MED16: variants seen among roughly 807,000 people sequenced by gnomAD.
The protein encoded by MED16 is mediator complex subunit 16, also known as mediator of RNA polymerase II transcription subunit 16.
In MED16, 81 loss-of-function variants were observed where a neutral mutation model predicts 84.4. The observed-to-expected ratio is 0.96, with a 90% confidence interval of 0.80 to 1.15. The LOEUF (loss-of-function observed/expected upper bound fraction) is 1.15, where lower values mean the gene tolerates loss of function less well. Ranked by LOEUF, MED16 falls within the 50% of genes most tolerant of loss-of-function variation. MED16 has a pLI of 0.00. For missense variants in MED16, 1,585 were observed against 1,245.9 expected, an observed-to-expected ratio of 1.27 and a Z score of -4.10; for synonymous variants, 897 against 552.2, an observed-to-expected ratio of 1.62 and a Z score of -8.76.
chr19:877,275 G>C lies in MED16; in HGVS notation c.1354-95C>G. The C allele has an allele frequency of 3.3e-6, 4 of 1,222,672 alleles. 1 individual carries two copies. Among genetic ancestry groups the C allele is most frequent in the Non-Finnish European group, 1.1e-6 (1 of 873,346 alleles). 75.7% of individuals were successfully genotyped at this position (1,222,672 alleles called of 1,614,324 possible). A position where few individuals can be genotyped will look rare whatever the true frequency, so the allele number is the denominator to read the frequency against. On this transcript the variant is annotated intron_variant, in intron 8 of 15. Coordinates refer to ENST00000325464, the MANE Select transcript of MED16 (RefSeq NM_005481.3). ...GCCCTGGGGCTGCGGCACGTGTGTGGATCTGTGTGCGCGCACGCCCGTGTG... is the reference window on the plus strand; with the variant it reads ...GCCCTGGGGCTGCGGCACGTGTGTGCATCTGTGTGCGCGCACGCCCGTGTG...
At chr19:886,431 G>A (rs1386490548) in intron 4 of MED16, among the ~76,000 whole-genome samples, 1 of 152,254 alleles carries the variant, frequency 6.6e-6, no homozygotes, top group Non-Finnish European at 1.5e-5. Context: ...GGACAGTGGG[G>A]AGGATTAAAC....
chr19:885,899 G>C lies in MED16; in HGVS notation c.750C>G (p.Ser250Arg), dbSNP rs749422186. ...QFYKVCVSVV[S>R]EKCRIDTEIL... ...TCTCCGTGTCGATACGGCACTTCTC[G>C]CTCACCACGCTCACGCACACCTTGT... The change falls in exon 5 of 16, where the codon AGC becomes AGG. Residue 250 changes from serine (S) to arginine (R), a missense_variant. By Grantham distance (110) the Ser-to-Arg change is moderately radical. Coordinates refer to ENST00000325464, the MANE Select transcript of MED16 (RefSeq NM_005481.3). 6.2e-7 allele frequency: 1 copy of C among 1,613,478 alleles called. No homozygotes were observed. Among genetic ancestry groups the C allele is most frequent in the Non-Finnish European group, 8.5e-7 (1 of 1,179,960 alleles).
Position 890,232 on chromosome 19 carries a change from A to G in MED16, c.182T>C (p.Met61Thr). The G allele has an allele frequency of 6.4e-7, 1 of 1,551,220 alleles. No individual in the cohort carries two copies. Among genetic ancestry groups the G allele is most frequent in the Non-Finnish European group, 8.7e-7 (1 of 1,147,212 alleles). ...GTGCTCCGTGTCCAGGATGTGGATC[A>G]TGCGGGTCAGGTCTGTGGGGACGGG... ...LRSDDQDLTR[M>T]IHILDTEHPW... Residue 61 changes from methionine to threonine, a missense_variant, in exon 3 of 16, where the codon ATG becomes ACG. Transcript: ENST00000325464.
chr19:882,097 C>T (rs1190497722), intron 6 of MED16, among the ~76,000 whole-genome samples: 2 of 152,246 alleles, frequency 1.3e-5, no homozygotes, highest in African/African-American at 4.8e-5. Context: ...TCTACAATTC[C>T]AATAAAGCCA....
Position 875,180 on chromosome 19 carries a change from TAAATAA to T in MED16, c.1771+58_1771+63del, listed in dbSNP as rs549777133. On this transcript the variant is annotated intron_variant, in intron 10 of 15. Transcript: ENST00000325464. ...CCCTATCTCAAAAGAGTAAAAAAAA[TAAATAA>T]AAATAAAATAAATAGATGAAAGAAA... The T allele has an allele frequency of 1.2e-4, 134 of 1,147,036 alleles. No homozygotes were observed. In the African/African-American group the frequency reaches 1.8e-3, roughly 15 times the overall value. 71.1% of individuals were successfully genotyped at this position (1,147,036 alleles called of 1,614,324 possible). A position where few individuals can be genotyped will look rare whatever the true frequency, so the allele number is the denominator to read the frequency against.
chr19:870,560 G>C (rs1325356100), intron 13 of MED16, among the ~76,000 whole-genome samples: 4 of 128,128 alleles, frequency 3.1e-5, no homozygotes, highest in Non-Finnish European at 6.9e-5. Context: ...GACCCTGTCG[G>C]GGAGACAAAA....
intron 13 of MED16, 131 bp downstream of exon 13, chr19:870,906 G>A (rs1438187061): frequency 5.5e-6 from 5 of 906,800 alleles, no homozygotes; most frequent in South Asian, 5.1e-5. Flanking sequence ...CATGGAGGCG[G>A]GGAGCCGTGT....
chr19:871,651 C>T lies in MED16; in HGVS notation c.2098+275G>A, dbSNP rs76711088. Reference sequence around the variant, plus strand: ...AAAAGCACCCACACAGAGCATGGACCTGTGCTAGGAACTGGGGAAATAGCA... The same window carrying T: ...AAAAGCACCCACACAGAGCATGGACTTGTGCTAGGAACTGGGGAAATAGCA... On this transcript the variant is annotated intron_variant, in intron 12 of 15. Coordinates refer to ENST00000325464, the MANE Select transcript of MED16 (RefSeq NM_005481.3). 3 of 1,589,366 alleles carry T rather than the reference C, an allele frequency of 1.9e-6. No homozygotes were observed. The Admixed American group carries it at 5.1e-5, about 27-fold the overall frequency.
intron 6 of MED16, among the ~76,000 whole-genome samples, chr19:883,355 C>T (rs2036459000): frequency 6.9e-6 from 1 of 144,632 alleles, no homozygotes; most frequent in Admixed American, 6.8e-5. Flanking sequence ...CGAAGCCTGG[C>T]ACGGTGGGCA....
intron 10 of MED16, among the ~76,000 whole-genome samples, chr19:873,894 C>T (rs545031852): frequency 1.2e-3 from 183 of 152,262 alleles, no homozygotes; most frequent in Middle Eastern, 3.4e-3. Flanking sequence ...GCACATCTGC[C>T]CCCTGCTCCG....
chr19:873,325 AGGGGC>A, intron 11 of MED16, 119 bp downstream of exon 11: 1 of 226,772 alleles, frequency 4.4e-6, no homozygotes, highest in Non-Finnish European at 6.2e-6. Flanking sequence ...GACTCCAAGT[AGGGGC>A]GGGACTCCAA....
Position 893,153 on chromosome 19 carries a change from G to C in MED16, c.-86C>G, listed in dbSNP as rs552425248. ...GATCTTCCCTAGCGCCTCGGGTCTG[G>C]CGCCGCCATCTTCCTCGGTAACAAC... On this transcript the variant is annotated 5_prime_UTR_variant, in exon 1 of 16. Transcript: ENST00000325464. 39 of 152,388 alleles carry C rather than the reference G, an allele frequency of 2.6e-4. No individual in the cohort carries two copies. The highest frequency in any genetic ancestry group is 9.4e-4 in the African/African-American group (39 of 41,590). 9.4% of individuals were successfully genotyped at this position (152,388 alleles called of 1,614,324 possible).
At position 868,020 on chromosome 19, in the gene MED16, A is replaced by G. The variant is rs971458931; in HGVS notation, c.*81T>C. 7.3e-6 allele frequency: 11 copies of G among 1,499,324 alleles called. No individual in the cohort carries two copies. The African/African-American group carries it at 1.4e-4, about 19-fold the overall frequency. The allele number at this position is 1,499,324 out of a possible 1,614,324, so 92.9% of individuals were successfully genotyped here. On this transcript the variant is annotated 3_prime_UTR_variant, in exon 16 of 16. Transcript: ENST00000325464. ...TCCCAGCCGCTGCTTGTCCAGGTTCAGCGCTCTCCGCGGGTGAGGCAAGGA... is the reference window on the plus strand; with the variant it reads ...TCCCAGCCGCTGCTTGTCCAGGTTCGGCGCTCTCCGCGGGTGAGGCAAGGA...
intron 8 of MED16, among the ~76,000 whole-genome samples, chr19:878,739 G>GCCAGCC (rs2036333652): frequency 3.8e-5 from 1 of 26,562 alleles, no homozygotes; most frequent in African/African-American, 1.7e-4. Context: ...CCCCACCAGG[G>GCCAGCC]CCAGCCCCAC....
At chr19:891,270 G>T (rs974796362) in intron 1 of MED16, 121 bp from the exon 2 acceptor site, 1 of 977,030 alleles carries the variant, frequency 1.0e-6, no homozygotes, top group Admixed American at 2.7e-5. Context: ...CGATGCAAAG[G>T]CCCGGAGGCC....
intron 6 of MED16, among the ~76,000 whole-genome samples, chr19:882,191 G>A (rs1390227172): frequency 1.3e-5 from 2 of 152,242 alleles, no homozygotes; most frequent in South Asian, 2.1e-4. Context: ...AGAGACTTCT[G>A]GGAATCTCAG....
rs931149959 is a variant in MED16 at position 880,157 on chromosome 19, C to T, written c.1142-9G>A. 4 of 1,603,902 alleles carry T rather than the reference C, an allele frequency of 2.5e-6. No homozygotes were observed. The highest frequency in any genetic ancestry group is 3.4e-6 in the Non-Finnish European group (4 of 1,177,620). ...GAAGGCCAGGGCCAGCCCTGTGGGG[C>T]ACAGGCACTGCTTAGACATGGGCAG... On this transcript the variant is annotated splice_polypyrimidine_tract_variant and intron_variant, in intron 7 of 15. Transcript: ENST00000325464.
intron 4 of MED16, among the ~76,000 whole-genome samples, chr19:887,390 G>A (rs559685719): frequency 5.9e-5 from 9 of 152,222 alleles, no homozygotes; most frequent in South Asian, 2.1e-4. Context: ...AAATTTGGCC[G>A]GACGCGGTGG....
At chr19:873,257 A>AG (rs1568321467) in intron 11 of MED16, among the ~76,000 whole-genome samples, 192 bp downstream of exon 11, 13 of 124,372 alleles carry the variant, frequency 1.0e-4, no homozygotes, top group African/African-American at 2.2e-4. Flanking sequence ...TGGGACTCCA[A>AG]CCAGGGGCGG....
Sources: allele counts gnomAD v4.1 joint callset (sites outside exome capture counted in the v4.1 genomes callset), GRCh38; gene constraint gnomAD v4.1.1; transcripts MANE v1.5; gene names NCBI Gene and HGNC (gene_info 2026-07-23, HGNC 2026-07-21).